Variants in RBFOX1 observed in about 807,000 individuals in gnomAD.
RBFOX1 encodes RNA binding protein fox-1 homolog 1.
RBFOX1 carries 8 observed loss-of-function variants against 57.7 expected under a neutral mutation model. The observed-to-expected ratio is 0.14, with a 90% CI of 0.08 to 0.25. The LOEUF is 0.25. Ranked by LOEUF, RBFOX1 falls within the 10% of genes least tolerant of loss-of-function variation. The pLI is 1.00. For missense variants in RBFOX1, 611 were observed against 548.5 expected (o/e 1.11, Z -1.14); for synonymous variants, 326 against 222.4 (o/e 1.47, Z -4.15).
chr16:7,105,098 G>C (rs1245909189), intron 4 of RBFOX1, among the ~76,000 whole-genome samples: 1 of 152,102 alleles, frequency 6.6e-6, no homozygotes, highest in Non-Finnish European at 1.5e-5. Context: ...GAGCACCTCT[G>C]CCACTAAAGC....
intron 3 of RBFOX1, among the ~76,000 whole-genome samples, chr16:5,835,560 C>T (rs1567605504): frequency 6.6e-6 from 1 of 152,176 alleles, no homozygotes. Context: ...TCAGCATCTT[C>T]AGGGGCAGGG....
intron 3 of RBFOX1, among the ~76,000 whole-genome samples, chr16:5,638,131 A>C (rs1052808287): frequency 6.6e-6 from 1 of 152,228 alleles, no homozygotes; most frequent in African/African-American, 2.4e-5. Context: ...TACAGTGCTG[A>C]GCATTTTACA....
At chr16:5,957,171 G>T (rs1310344233) in intron 4 of RBFOX1, among the ~76,000 whole-genome samples, 1 of 152,038 alleles carries the variant, frequency 6.6e-6, no homozygotes, top group East Asian at 1.9e-4. Context: ...TTAGGTGATT[G>T]ATATGCTACG....
intron 3 of RBFOX1, among the ~76,000 whole-genome samples, chr16:6,957,638 C>G (rs140035744): frequency 5.9e-5 from 9 of 152,070 alleles, no homozygotes; most frequent in South Asian, 2.1e-4. Flanking sequence ...TGACCCGTAT[C>G]TTGTGCCGAC....
intron 1 of RBFOX1, among the ~76,000 whole-genome samples, chr16:6,266,182 A>G (rs184989693): frequency 1.3e-5 from 2 of 152,242 alleles, no homozygotes; most frequent in African/African-American, 2.4e-5. Flanking sequence ...TCACTTCTCT[A>G]TCAGCCTGGA....
chr16:7,121,555 A>T (rs958789048), intron 4 of RBFOX1, among the ~76,000 whole-genome samples: 1 of 152,074 alleles, frequency 6.6e-6, no homozygotes, highest in Non-Finnish European at 1.5e-5. Flanking sequence ...GTATTTGTGA[A>T]ATTAAAAAAG....
At chr16:6,691,606 A>C (rs1169693442) in intron 3 of RBFOX1, among the ~76,000 whole-genome samples, 1 of 152,184 alleles carries the variant, frequency 6.6e-6, no homozygotes, top group Non-Finnish European at 1.5e-5. Context: ...GGAAGAAAGA[A>C]TGTGTGCCTC....
intron 4 of RBFOX1, among the ~76,000 whole-genome samples, chr16:7,291,839 G>A (rs924765963): frequency 2.7e-5 from 4 of 149,198 alleles, no homozygotes; most frequent in African/African-American, 9.9e-5. Context: ...TCCTTCACAA[G>A]TGTGTAAAGA....
intron 4 of RBFOX1, among the ~76,000 whole-genome samples, chr16:6,010,192 C>T (rs750216771): frequency 5.9e-5 from 9 of 152,132 alleles, no homozygotes; most frequent in African/African-American, 9.7e-5. Context: ...AATCTCAGCA[C>T]CTGACAACTC....
chr16:7,303,624 GA>G (rs1022387583), intron 4 of RBFOX1, among the ~76,000 whole-genome samples: 3 of 151,940 alleles, frequency 2.0e-5, no homozygotes, highest in Admixed American at 1.3e-4. Flanking sequence ...GGAAAAAAAG[GA>G]AAAAAAATCT....
chr16:6,756,880 C>A (rs1366049730), intron 3 of RBFOX1, among the ~76,000 whole-genome samples: 1 of 151,978 alleles, frequency 6.6e-6, no homozygotes, highest in African/African-American at 2.4e-5. Context: ...GAGGCTGAGG[C>A]AGGAGAATTG....
At chr16:6,974,005 C>T (rs1341856098) in intron 3 of RBFOX1, among the ~76,000 whole-genome samples, 1 of 152,252 alleles carries the variant, frequency 6.6e-6, no homozygotes, top group Non-Finnish European at 1.5e-5. Context: ...TCAGCTCTCA[C>T]TTTTAAGTAA....
intron 4 of RBFOX1, among the ~76,000 whole-genome samples, chr16:7,474,350 G>A (rs2062185232): frequency 6.6e-6 from 1 of 152,140 alleles, no homozygotes; most frequent in Non-Finnish European, 1.5e-5. Context: ...TTATGCTGCT[G>A]AGTAAATGGC....
At chr16:6,470,120 T>C (rs952069450) in intron 2 of RBFOX1, among the ~76,000 whole-genome samples, 1 of 152,206 alleles carries the variant, frequency 6.6e-6, no homozygotes, top group South Asian at 2.1e-4. Flanking sequence ...TCATTTAAAA[T>C]AGAGTATATA....
intron 3 of RBFOX1, among the ~76,000 whole-genome samples, chr16:5,700,568 C>G (rs770096995): frequency 6.6e-6 from 1 of 152,116 alleles, no homozygotes; most frequent in Non-Finnish European, 1.5e-5. Context: ...TGTGGTGTAT[C>G]TAGGTAGACA....
intron 2 of RBFOX1, among the ~76,000 whole-genome samples, chr16:6,471,339 A>G (rs2095170387): frequency 2.0e-5 from 3 of 152,222 alleles, no homozygotes; most frequent in Admixed American, 6.5e-5. Context: ...TACCAAGTAG[A>G]TGCATAGCAC....
chr16:6,415,343 G>A (rs2093594550), intron 2 of RBFOX1, among the ~76,000 whole-genome samples: 1 of 151,812 alleles, frequency 6.6e-6, no homozygotes, highest in African/African-American at 2.4e-5. Context: ...AAAAGATGCA[G>A]GTGACTTAAG....
At chr16:6,703,884 G>C (rs2062256507) in intron 3 of RBFOX1, 2 of 152,152 alleles carry the variant, frequency 1.3e-5, no homozygotes, top group African/African-American at 2.4e-5. Context: ...TGTTACACCT[G>C]AGGCTACAGC....
chr16:7,003,014 T>TC (rs1227527393), intron 3 of RBFOX1, among the ~76,000 whole-genome samples: 1 of 149,970 alleles, frequency 6.7e-6, no homozygotes, highest in Non-Finnish European at 1.5e-5. Context: ...ATCTTGGTGG[T>TC]CTTTTTTTTT....
Sources: gnomAD v4.1 joint callset for allele counts (sites outside exome capture counted in the v4.1 genomes callset) on GRCh38, gnomAD v4.1.1 for gene constraint, MANE v1.5 for transcripts, NCBI Gene and HGNC (gene_info 2026-07-23, HGNC 2026-07-21) for gene names.